Variants in FAM110B observed in about 807,000 individuals in gnomAD.
FAM110B encodes protein FAM110B.
Under a neutral mutation model 20.4 loss-of-function variants are expected in FAM110B, and 6 were observed. The ratio of observed to expected loss-of-function variants is 0.29; its 90% CI spans 0.16 to 0.58. The LOEUF is 0.58. Among genes scored for constraint, FAM110B ranks in the 20% least tolerant of loss-of-function variants. FAM110B has a pLI of 0.90. For synonymous variants in FAM110B, 226 were observed against 214.1 expected (o/e 1.06, Z -0.49); for missense variants, 434 against 498.2 (o/e 0.87, Z 1.23).
At chr8:58,012,338 G>A (rs1026559485) in intron 1 of FAM110B, among the ~76,000 whole-genome samples, 2 of 151,750 alleles carry the variant, frequency 1.3e-5, no homozygotes, top group African/African-American at 4.8e-5. Context: ...GATCTTCTTA[G>A]TGTCATTTTT....
At chr8:58,104,780 T>C (rs1806868521) in intron 3 of FAM110B, among the ~76,000 whole-genome samples, 1 of 152,184 alleles carries the variant, frequency 6.6e-6, no homozygotes, top group Non-Finnish European at 1.5e-5. Flanking sequence ...AAAAAGTTTC[T>C]CCAATGACAT....
chr8:58,077,830 G>T (rs1323489220), intron 3 of FAM110B, among the ~76,000 whole-genome samples: 1 of 152,196 alleles, frequency 6.6e-6, no homozygotes, highest in African/African-American at 2.4e-5. Context: ...ACTTAGCCAT[G>T]TGACTTACCA....
rs115777682 is a variant in FAM110B, at chr8:58,145,144, T to G, written c.-324-763T>G. Among the ~76,000 whole-genome samples the G allele has an allele frequency of 8.9e-3, 1,350 of 152,234 alleles. 20 individuals are homozygous for G. The highest frequency in any genetic ancestry group is 0.03 in the African/African-American group (1,247 of 41,542). ...AAAATTATGGATAACTTAGGGACAA[T>G]CAAATTATCTACTCATATGGTAAAT... On this transcript the variant is annotated intron_variant, in intron 3 of 3. Transcript: ENST00000519262.
At chr8:58,113,022 C>T (rs1046306331) in intron 3 of FAM110B, among the ~76,000 whole-genome samples, 1 of 152,172 alleles carries the variant, frequency 6.6e-6, no homozygotes, top group African/African-American at 2.4e-5. Flanking sequence ...TTCACTGCGT[C>T]CTGAAGTCGT....
intron 1 of FAM110B, among the ~76,000 whole-genome samples, chr8:58,028,925 C>T (rs958194779): frequency 6.6e-6 from 1 of 152,188 alleles, no homozygotes; most frequent in Non-Finnish European, 1.5e-5. Flanking sequence ...ACTCTCATCC[C>T]ATGCAAACCT....
At chr8:58,119,944 G>A (rs1807313651) in intron 3 of FAM110B, among the ~76,000 whole-genome samples, 1 of 152,170 alleles carries the variant, frequency 6.6e-6, no homozygotes, top group Non-Finnish European at 1.5e-5. Flanking sequence ...ACCTGCTTCT[G>A]GGAAATGTAG....
At chr8:58,050,139 A>C (rs1201153691) in intron 2 of FAM110B, among the ~76,000 whole-genome samples, 1 of 152,066 alleles carries the variant, frequency 6.6e-6, no homozygotes, top group Non-Finnish European at 1.5e-5. Flanking sequence ...GGATTTGTAT[A>C]TTCTGCTTGT....
chr8:58,126,861 CT>C, intron 3 of FAM110B, among the ~76,000 whole-genome samples: 1 of 152,166 alleles, frequency 6.6e-6, no homozygotes, highest in South Asian at 2.1e-4. Context: ...TCTTTTCATC[CT>C]TTTAACAGAG....
At chr8:58,080,314 G>A (rs567435784) in intron 3 of FAM110B, among the ~76,000 whole-genome samples, 20 of 152,292 alleles carry the variant, frequency 1.3e-4, no homozygotes, top group African/African-American at 4.6e-4. Context: ...AATGTCTGGT[G>A]GAATATTAGA....
chr8:58,053,291 G>T (rs1805490397), intron 2 of FAM110B, among the ~76,000 whole-genome samples: 1 of 152,202 alleles, frequency 6.6e-6, no homozygotes. Flanking sequence ...GTGAGGAATG[G>T]TCAGGTTCTG....
chr8:58,090,755 G>T (rs1379204399), intron 3 of FAM110B, among the ~76,000 whole-genome samples: 6 of 152,088 alleles, frequency 3.9e-5, no homozygotes, highest in African/African-American at 1.4e-4. Flanking sequence ...CATCTCAGTG[G>T]TTTCATCTCA....
chr8:58,086,001 A>C (rs927071777), intron 3 of FAM110B, among the ~76,000 whole-genome samples: 7 of 152,162 alleles, frequency 4.6e-5, no homozygotes, highest in South Asian at 2.1e-4. Context: ...CAGAAGTAAA[A>C]CTCCTTACGA....
chr8:58,135,854 C>CAA (rs1803598529), intron 3 of FAM110B, among the ~76,000 whole-genome samples: 1 of 152,110 alleles, frequency 6.6e-6, no homozygotes. Flanking sequence ...TGTGGGAACT[C>CAA]ACAGCACAAA....
At chr8:58,062,754 T>C (rs1455981769) in intron 2 of FAM110B, among the ~76,000 whole-genome samples, 3 of 152,248 alleles carry the variant, frequency 2.0e-5, no homozygotes, top group Non-Finnish European at 1.5e-5. Flanking sequence ...TCTAACTTTA[T>C]ATCCAAAGAA....
At chr8:58,056,628 A>G (rs1166757147) in intron 2 of FAM110B, among the ~76,000 whole-genome samples, 2 of 152,192 alleles carry the variant, frequency 1.3e-5, no homozygotes, top group Non-Finnish European at 2.9e-5. Context: ...ATTTGCTTTG[A>G]TGGAAATCAC....
At chr8:58,032,049 C>T (rs1384601319) in intron 2 of FAM110B, 1 of 152,276 alleles carries the variant, frequency 6.6e-6, no homozygotes, top group African/African-American at 2.4e-5. Flanking sequence ...TGCTGGGGGG[C>T]AGATGCTCTG....
chr8:58,102,534 C>T (rs35251985), intron 3 of FAM110B, among the ~76,000 whole-genome samples: 26,434 of 151,948 alleles, frequency 0.17, 2,549 homozygotes, highest in African/African-American at 0.25. Flanking sequence ...TTCCTGACTA[C>T]GAAAAGGAAT....
chr8:58,011,161 G>A (rs1804525250), intron 1 of FAM110B, among the ~76,000 whole-genome samples: 1 of 152,178 alleles, frequency 6.6e-6, no homozygotes, highest in Admixed American at 6.5e-5. Context: ...GACCAAAATA[G>A]ATGCCCTTTT....
intron 1 of FAM110B, among the ~76,000 whole-genome samples, chr8:57,997,212 C>G (rs1804205020): frequency 6.6e-6 from 1 of 152,154 alleles, no homozygotes; most frequent in Admixed American, 6.5e-5. Context: ...AGTAGAATCC[C>G]AGGGATTAAT....
Sources: allele counts gnomAD v4.1 joint callset (sites outside exome capture counted in the v4.1 genomes callset), GRCh38; gene constraint gnomAD v4.1.1; transcripts MANE v1.5; gene names NCBI Gene and HGNC (gene_info 2026-07-23, HGNC 2026-07-21).